EZH1: variants seen among roughly 807,000 people sequenced by gnomAD.
EZH1 encodes the protein histone-lysine N-methyltransferase EZH1.
EZH1 carries 33 observed loss-of-function variants against 100.5 expected under a neutral mutation model. The observed-to-expected ratio is 0.33, with a 90% CI of 0.25 to 0.44. The LOEUF (loss-of-function observed/expected upper bound fraction) is 0.44, where lower values mean the gene tolerates loss of function less well. Ranked by LOEUF, EZH1 falls within the 20% of genes least tolerant of loss-of-function variation. EZH1 has a pLI of 1.00. For synonymous variants in EZH1, 272 were observed against 313.8 expected (o/e 0.87, Z 1.41); for missense variants, 475 against 928.4 (o/e 0.51, Z 6.35).
At chr17:42,707,005 C>G (rs551321564) in intron 15 of EZH1, among the ~76,000 whole-genome samples, 2 of 152,266 alleles carry the variant, frequency 1.3e-5, no homozygotes, top group South Asian at 4.1e-4. Context: ...GTTCTGCAAG[C>G]TGTGGGGACT....
chr17:42,713,502 T>G, intron 10 of EZH1, 113 bp from the exon 11 acceptor site: 1 of 968,166 alleles, frequency 1.0e-6, no homozygotes, highest in South Asian at 2.5e-5. Flanking sequence ...GTGTCTTTTC[T>G]TTTTCTCTGT....
chr17:42,737,363 G>A (rs1335514705), intron 1 of EZH1, among the ~76,000 whole-genome samples: 1 of 152,250 alleles, frequency 6.6e-6, no homozygotes, highest in Non-Finnish European at 1.5e-5. Context: ...CACTTTTGGA[G>A]GCTGAGGCAG....
At chr17:42,721,329 AC>A (rs2053702295) in intron 6 of EZH1, among the ~76,000 whole-genome samples, 2 of 152,206 alleles carry the variant, frequency 1.3e-5, no homozygotes, top group African/African-American at 4.8e-5. Context: ...TTACACACGG[AC>A]AGACTTTTCT....
rs73303769 is a variant in EZH1 at position 42,718,918 on chromosome 17, T to A, written c.767+187A>T. Among the ~76,000 whole-genome samples the A allele has an allele frequency of 9.5e-3, 1,444 of 152,288 alleles. 17 individuals are homozygous for A. The highest frequency in any genetic ancestry group is 0.019 in the African/African-American group (769 of 41,560). The stretch of plus-strand genomic sequence containing the variant: ...GCCCAGACTCACTCAAAAGCCAGTA[T>A]ACGATGACCCTTAATATAGTAAGGG... On this transcript the variant is annotated intron_variant, in intron 8 of 20. Transcript: ENST00000428826. The surrounding 1 kb of genome is among the most constrained non-coding windows in gnomAD (Gnocchi z 4.2).
intron 6 of EZH1, among the ~76,000 whole-genome samples, chr17:42,720,704 G>A (rs2053688875): frequency 6.6e-6 from 1 of 152,012 alleles, no homozygotes; most frequent in East Asian, 1.9e-4. Flanking sequence ...TTATTGCCCA[G>A]GCTGGAGTGC....
Position 42,718,533 on chromosome 17 carries a change from A to C in EZH1, c.852T>G (p.Ser284=). The C allele has an allele frequency of 6.2e-7, 1 of 1,614,230 alleles. No homozygotes were observed. The highest frequency in any genetic ancestry group is 1.1e-5 in the South Asian group (1 of 91,082). ...TPNIDGPNAK[S]VQREQSLHSF... ...AGTGCAGAGATTGCTCCCGCTGCACAGACTTGGCATTGGGGCCATCGATGT... is the reference window on the plus strand; with the variant it reads ...AGTGCAGAGATTGCTCCCGCTGCACCGACTTGGCATTGGGGCCATCGATGT... Residue 284 remains serine, a synonymous_variant, in exon 9 of 21, where the codon TCT becomes TCG. Transcript: ENST00000428826. The surrounding 1 kb of genome is among the most constrained non-coding windows in gnomAD (Gnocchi z 4.2).
rs1476247583 is a variant in EZH1, at chr17:42,706,908, A to C, written c.1661-723T>G. Among the ~76,000 whole-genome samples the C allele has an allele frequency of 6.6e-6, 1 of 152,128 alleles. No homozygotes were observed. Among genetic ancestry groups the C allele is most frequent in the Non-Finnish European group, 1.5e-5 (1 of 68,020 alleles). ...TCCTTCTCCACCCACTGCCCAACCC[A>C]GCGCAACCACTTCTCTGCTGCGGCT... On this transcript the variant is annotated intron_variant, in intron 15 of 20. Transcript: ENST00000428826. This position sits in a 1 kb window ranked among gnomAD's most constrained non-coding sequence, Gnocchi z 4.4.
intron 1 of EZH1, chr17:42,731,714 A>T (rs756763397): frequency 6.8e-6 from 1 of 147,040 alleles, no homozygotes; most frequent in African/African-American, 2.6e-5. Context: ...ACATGGTGAA[A>T]CCCCGTTTCC....
At chr17:42,729,035 A>C in intron 2 of EZH1, 83 bp from the exon 3 acceptor site, 3 of 1,341,054 alleles carry the variant, frequency 2.2e-6, no homozygotes, top group South Asian at 1.4e-5. Flanking sequence ...AAAAAGATCA[A>C]TTATGCTTTC....
intron 1 of EZH1, among the ~76,000 whole-genome samples, chr17:42,742,123 T>C (rs1161235105): frequency 2.6e-5 from 4 of 151,540 alleles, no homozygotes; most frequent in African/African-American, 9.7e-5. Flanking sequence ...CCAGCCTCCT[T>C]ATTCCAGTGC....
chr17:42,702,804 C>G lies in EZH1; in HGVS notation c.2183+73G>C, dbSNP rs2053270837. The G allele has an allele frequency of 2.6e-6, 4 of 1,522,524 alleles. No individual in the cohort carries two copies. The Admixed American group carries it at 6.7e-5, about 25-fold the overall frequency. 94.3% of individuals were successfully genotyped at this position (1,522,524 alleles called of 1,614,324 possible). On this transcript the variant is annotated intron_variant, in intron 20 of 20. Coordinates refer to ENST00000428826, the MANE Select transcript of EZH1 (RefSeq NM_001991.5). ...TCCATCTCCATTACCCTCCCTGAGC[C>G]CCCAAATCTATTCCAACAGCCACTC...
At position 42,702,307 on chromosome 17, in the gene EZH1, G is replaced by C; in HGVS notation, c.*225C>G. On this transcript the variant is annotated 3_prime_UTR_variant, in exon 21 of 21. Transcript: ENST00000428826. ...GCCAGAGAAACAGTCTCCCATTTCT[G>C]TAACTCTCTGTCCTGGGAGACCAAG... 2.2e-6 allele frequency: 1 copy of C among 445,480 alleles called. No homozygotes were observed. The highest frequency in any genetic ancestry group is 3.8e-5 in the Admixed American group (1 of 26,564). The allele number at this position is 445,480 out of a possible 1,614,324, so 27.6% of individuals were successfully genotyped here.
chr17:42,717,678 G>GCATA (rs1010265274), intron 10 of EZH1, among the ~76,000 whole-genome samples: 90 of 152,244 alleles, frequency 5.9e-4, no homozygotes, highest in African/African-American at 2.2e-3. Context: ...CACCCCCCCA[G>GCATA]CATACACTTT....
Position 42,727,575 on chromosome 17 carries a change from T to C in EZH1, c.246+60A>G, listed in dbSNP as rs958994219. ...TTCACTTTCTAAAAAGTCACAAATATAGGAAAAAGCTTTAAGCCCAAGGAA... is the reference window on the plus strand; with the variant it reads ...TTCACTTTCTAAAAAGTCACAAATACAGGAAAAAGCTTTAAGCCCAAGGAA... On this transcript the variant is annotated intron_variant, in intron 4 of 20. Coordinates refer to ENST00000428826, the MANE Select transcript of EZH1 (RefSeq NM_001991.5). The C allele has an allele frequency of 4.5e-6, 7 of 1,564,028 alleles. No homozygotes were observed. In the Admixed American group the frequency reaches 9.6e-5, roughly 21 times the overall value.
rs536986167 is a variant in EZH1, at chr17:42,702,968, G to A, written c.2099-7C>T. The A allele has an allele frequency of 1.9e-6, 3 of 1,613,968 alleles. No individual in the cohort carries two copies. Among genetic ancestry groups the A allele is most frequent in the Admixed American group, 3.3e-5 (2 of 60,024 alleles). ...TCTCCATTCACCATGACCACTGCAA[G>A]CAGGATAAACCCGAGGCTAGGTTCC... On this transcript the variant is annotated splice_polypyrimidine_tract_variant and splice_region_variant and intron_variant, in intron 19 of 20. Transcript: ENST00000428826.
chr17:42,730,257 A>G (rs1361632951), intron 2 of EZH1, among the ~76,000 whole-genome samples: 1 of 152,188 alleles, frequency 6.6e-6, no homozygotes, highest in Non-Finnish European at 1.5e-5. Flanking sequence ...AGAAGTGGTC[A>G]GCAAGAACCA....
intron 10 of EZH1, among the ~76,000 whole-genome samples, chr17:42,714,921 A>AATTTATATAAATATAAAATATAT (rs1375623228): frequency 7.2e-6 from 1 of 138,522 alleles, no homozygotes; most frequent in African/African-American, 2.6e-5. Flanking sequence ...ATAATTATAT[A>AATTTATATAAATATAAAATATAT]ATTTATATAA....
At chr17:42,716,447 G>C (rs1319557132) in intron 10 of EZH1, among the ~76,000 whole-genome samples, 1 of 152,132 alleles carries the variant, frequency 6.6e-6, no homozygotes, top group East Asian at 1.9e-4. Flanking sequence ...TAAACAGTTG[G>C]GGGAAAATAG....
At chr17:42,737,012 G>T (rs1336170812) in intron 1 of EZH1, among the ~76,000 whole-genome samples, 6 of 148,826 alleles carry the variant, frequency 4.0e-5, no homozygotes, top group Non-Finnish European at 1.5e-5. Context: ...TTGAGACAGA[G>T]TCTCGCTCTG....
Sources: gnomAD v4.1 joint callset for allele counts (sites outside exome capture counted in the v4.1 genomes callset) on GRCh38, gnomAD v4.1.1 for gene constraint, Gnocchi (gnomAD v3.1) non-coding constraint, MANE v1.5 for transcripts, NCBI Gene and HGNC (gene_info 2026-07-23, HGNC 2026-07-21) for gene names.